GRIN2B: variants seen among roughly 807,000 people sequenced by gnomAD.
The protein encoded by GRIN2B is glutamate ionotropic receptor NMDA type subunit 2B.
In GRIN2B, 5 loss-of-function variants were observed where a neutral mutation model predicts 114.5. The observed-to-expected ratio is 0.04, with a 90% CI of 0.02 to 0.09. GRIN2B has a LOEUF of 0.09. GRIN2B is among the 10% of genes least tolerant of loss of function. The probability of loss-of-function intolerance (pLI) is 1.00; values close to 1 mark genes in which losing one functional copy is unlikely to be tolerated. For synonymous variants in GRIN2B, 787 were observed against 745.1 expected (o/e 1.06, Z -0.92); for missense variants, 1,108 against 1,943.5 (o/e 0.57, Z 8.08).
rs528074034 is a variant in GRIN2B, at chr12:13,698,856, T to C, written c.1011-22997A>G. 2.6e-5 allele frequency among the ~76,000 whole-genome samples: 4 copies of C among 152,242 alleles called. No homozygotes were observed. In the South Asian group the frequency reaches 6.2e-4, roughly 24 times the overall value. The stretch of plus-strand genomic sequence containing the variant: ...CACCACCATGCCAGGCTAACTTTTC[T>C]ATTTTTAGTAGAGATGGGGTTTCAC... On this transcript the variant is annotated intron_variant, in intron 4 of 13. Coordinates refer to ENST00000609686, the MANE Select transcript of GRIN2B (RefSeq NM_000834.5).
At chr12:13,888,136 A>G (rs1399978527) in intron 2 of GRIN2B, among the ~76,000 whole-genome samples, 9 of 152,192 alleles carry the variant, frequency 5.9e-5, no homozygotes, top group Non-Finnish European at 1.0e-4. Flanking sequence ...ATTTTGTTTA[A>G]CCCAAAAAAA....
intron 4 of GRIN2B, among the ~76,000 whole-genome samples, chr12:13,739,588 C>T (rs546352788): frequency 3.9e-5 from 6 of 152,012 alleles, no homozygotes; most frequent in South Asian, 2.1e-4. Context: ...TGGGCTGTTC[C>T]GCACACTTCT....
chr12:13,730,388 T>C (rs1373551028), intron 4 of GRIN2B, among the ~76,000 whole-genome samples: 2 of 151,802 alleles, frequency 1.3e-5, no homozygotes, highest in South Asian at 4.1e-4. Flanking sequence ...AAGCTGACTG[T>C]GTTTTGGTAC....
chr12:13,735,738 C>T (rs145708292), intron 4 of GRIN2B, among the ~76,000 whole-genome samples: 2 of 152,278 alleles, frequency 1.3e-5, no homozygotes, highest in East Asian at 3.9e-4. Flanking sequence ...CCCTCCTTCT[C>T]ATCAGATATA....
intron 10 of GRIN2B, among the ~76,000 whole-genome samples, chr12:13,578,304 G>T (rs1364983723): frequency 1.3e-5 from 2 of 152,180 alleles, no homozygotes; most frequent in Non-Finnish European, 2.9e-5. Context: ...GTTGACAGAA[G>T]TAACATTGTG....
intron 2 of GRIN2B, among the ~76,000 whole-genome samples, chr12:13,886,763 G>T (rs1047531034): frequency 6.6e-6 from 1 of 152,018 alleles, no homozygotes; most frequent in Admixed American, 6.6e-5. Context: ...AGCCAGCTCC[G>T]GGGGTATCAG....
rs1334277750 is a variant in GRIN2B at position 13,621,357 on chromosome 12, G to C, written c.1126-4700C>G. ...AGATATTTCAGAGACAATGTAGCGA[G>C]AAGAACTGAATGAAGAATTTATGCT... On this transcript the variant is annotated intron_variant, in intron 5 of 13. Transcript: ENST00000609686. Among the ~76,000 whole-genome samples, 7 of 152,214 alleles carry C rather than the reference G, an allele frequency of 4.6e-5. No individual in the cohort carries two copies. In the South Asian group the frequency reaches 1.5e-3, roughly 32 times the overall value.
intron 10 of GRIN2B, among the ~76,000 whole-genome samples, chr12:13,591,358 G>A (rs1299711683): frequency 2.6e-5 from 4 of 152,226 alleles, no homozygotes; most frequent in Non-Finnish European, 4.4e-5. Context: ...CTGGGTGGAT[G>A]TAGGACGTGA....
chr12:13,611,313 C>T (rs987463070), intron 9 of GRIN2B, among the ~76,000 whole-genome samples: 1 of 152,210 alleles, frequency 6.6e-6, no homozygotes, highest in Admixed American at 6.5e-5. Context: ...GCCACAACCA[C>T]CTGCATATAT....
chr12:13,965,970 T>C, intron 2 of GRIN2B, among the ~76,000 whole-genome samples: 1 of 152,192 alleles, frequency 6.6e-6, no homozygotes, highest in East Asian at 1.9e-4. Flanking sequence ...CCAGACTTTC[T>C]CATCTAGGAG....
chr12:13,583,661 A>C (rs1325072837), intron 10 of GRIN2B, among the ~76,000 whole-genome samples: 1 of 152,204 alleles, frequency 6.6e-6, no homozygotes, highest in Non-Finnish European at 1.5e-5. Flanking sequence ...TGCACAGAGC[A>C]GGCAGAGATG....
At chr12:13,943,967 G>A (rs182679400) in intron 2 of GRIN2B, among the ~76,000 whole-genome samples, 8 of 152,218 alleles carry the variant, frequency 5.3e-5, no homozygotes, top group East Asian at 1.9e-4. Context: ...CATAGTAGAC[G>A]CTCAATAAGT....
intron 1 of GRIN2B, among the ~76,000 whole-genome samples, chr12:13,980,916 C>A (rs1028809514): frequency 6.6e-6 from 1 of 152,064 alleles, no homozygotes; most frequent in Non-Finnish European, 1.5e-5. Flanking sequence ...ACGCCCCCGA[C>A]GCGCACGCGC....
At chr12:13,878,830 G>T (rs115395520) in intron 2 of GRIN2B, among the ~76,000 whole-genome samples, 1,830 of 152,292 alleles carry the variant, frequency 0.012, 37 homozygotes, top group African/African-American at 0.041. Context: ...CCAGCATTTT[G>T]AGAATGAGAA....
rs77702569 is a variant in GRIN2B, at chr12:13,653,910, G to A, written c.1125+21835C>T. On this transcript the variant is annotated intron_variant, in intron 5 of 13. Coordinates refer to ENST00000609686, the MANE Select transcript of GRIN2B (RefSeq NM_000834.5). ...ATCTTTCCTCTTTTCTGCAGTACAG[G>A]CCTATGGTTCACACTAAAATTTCTA... Among the ~76,000 whole-genome samples, 941 of 152,074 alleles carry A rather than the reference G, an allele frequency of 6.2e-3. 10 individuals carry two copies. The highest frequency in any genetic ancestry group is 0.021 in the African/African-American group (878 of 41,482).
intron 10 of GRIN2B, among the ~76,000 whole-genome samples, chr12:13,580,271 G>A (rs556667681): frequency 1.3e-5 from 2 of 152,256 alleles, no homozygotes; most frequent in East Asian, 3.9e-4. Flanking sequence ...TGCCTTCTTG[G>A]GTAGTTGGCT....
At chr12:13,608,482 A>C (rs976600339) in intron 10 of GRIN2B, 121 bp downstream of exon 10, 17 of 736,852 alleles carry the variant, frequency 2.3e-5, no homozygotes, top group Non-Finnish European at 4.1e-5. Context: ...CCAATACAAG[A>C]AAACATAAGA....
chr12:13,598,732 C>T (rs1949108982), intron 10 of GRIN2B, among the ~76,000 whole-genome samples: 2 of 152,182 alleles, frequency 1.3e-5, no homozygotes, highest in South Asian at 4.2e-4. Flanking sequence ...GCTTTTGGCA[C>T]CTGTACTTTT....
chr12:13,822,212 C>A (rs912912719), intron 3 of GRIN2B, among the ~76,000 whole-genome samples: 4 of 152,132 alleles, frequency 2.6e-5, no homozygotes, highest in African/African-American at 9.7e-5. Flanking sequence ...TGGAATCACA[C>A]TTTTAATATA....
Sources: allele counts gnomAD v4.1 joint callset (sites outside exome capture counted in the v4.1 genomes callset), GRCh38; gene constraint gnomAD v4.1.1; transcripts MANE v1.5; gene names NCBI Gene and HGNC (gene_info 2026-07-23, HGNC 2026-07-21).